AGBL4: variants seen among roughly 807,000 people sequenced by gnomAD.
AGBL4 encodes the protein AGBL carboxypeptidase 4, also known as cytosolic carboxypeptidase 6.
A neutral mutation model predicts 66.4 loss-of-function variants in AGBL4; 58 were observed. That is an observed-to-expected ratio of 0.87 (90% CI 0.71 to 1.09). AGBL4 has a LOEUF of 1.09. Ranked by LOEUF, AGBL4 falls within the 50% of genes least tolerant of loss-of-function variation. The pLI is 0.00. For missense variants in AGBL4, 579 were observed against 631.0 expected (o/e 0.92, Z 0.88); for synonymous variants, 234 against 222.9 (o/e 1.05, Z -0.44).
intron 3 of AGBL4, among the ~76,000 whole-genome samples, chr1:49,677,605 T>C (rs1312035675): frequency 1.3e-5 from 2 of 152,132 alleles, no homozygotes; most frequent in African/African-American, 4.8e-5. Context: ...ACTGAGCTCA[T>C]AAAATAAGGT....
chr1:49,590,714 T>C (rs535548264), intron 3 of AGBL4, among the ~76,000 whole-genome samples: 1 of 152,168 alleles, frequency 6.6e-6, no homozygotes, highest in East Asian at 1.9e-4. Context: ...TTTCAAAACC[T>C]TCCCACAACT....
At chr1:48,858,925 A>G (rs538528110) in intron 6 of AGBL4, among the ~76,000 whole-genome samples, 3 of 152,322 alleles carry the variant, frequency 2.0e-5, no homozygotes, top group Admixed American at 2.0e-4. Flanking sequence ...ATGATAAAGT[A>G]TATTAGTCAT....
chr1:49,825,560 C>A (rs895519339), intron 2 of AGBL4, among the ~76,000 whole-genome samples: 8 of 152,154 alleles, frequency 5.3e-5, no homozygotes, highest in Non-Finnish European at 1.0e-4. Context: ...AATCTTTACT[C>A]CGGATGTCTC....
intron 5 of AGBL4, among the ~76,000 whole-genome samples, chr1:48,874,444 T>C (rs1374768834): frequency 6.6e-6 from 1 of 152,164 alleles, no homozygotes; most frequent in African/African-American, 2.4e-5. Flanking sequence ...GGACTGATCA[T>C]TCTAAAATTA....
At chr1:48,758,869 G>A in intron 6 of AGBL4, 1 of 1,469,176 alleles carries the variant, frequency 6.8e-7, no homozygotes. Flanking sequence ...TCACCCAAGT[G>A]GAGTGGTAGG....
intron 5 of AGBL4, among the ~76,000 whole-genome samples, chr1:49,042,343 G>A (rs1377999184): frequency 1.3e-5 from 2 of 152,112 alleles, no homozygotes; most frequent in Non-Finnish European, 2.9e-5. Context: ...AATACAAGTA[G>A]TTTCATGTTA....
At chr1:48,608,667 A>C (rs1645189680) in intron 9 of AGBL4, among the ~76,000 whole-genome samples, 1 of 152,218 alleles carries the variant, frequency 6.6e-6, no homozygotes, top group Non-Finnish European at 1.5e-5. Flanking sequence ...ACAGAGTTAG[A>C]AACACATAAC....
chr1:49,671,110 A>C (rs1316542581), intron 3 of AGBL4, among the ~76,000 whole-genome samples: 1 of 152,196 alleles, frequency 6.6e-6, no homozygotes, highest in Non-Finnish European at 1.5e-5. Context: ...AGTAGCCAAA[A>C]AAGCATGGTA....
intron 5 of AGBL4, among the ~76,000 whole-genome samples, chr1:48,985,907 C>T (rs1273675331): frequency 6.6e-6 from 1 of 151,998 alleles, no homozygotes; most frequent in Non-Finnish European, 1.5e-5. Flanking sequence ...CAGAAAAAGA[C>T]ATTGACAGTT....
At chr1:49,682,532 G>A (rs7521155) in intron 3 of AGBL4, among the ~76,000 whole-genome samples, 78,515 of 152,046 alleles carry the variant, frequency 0.52, 21,573 homozygotes, top group Non-Finnish European at 0.61. Context: ...ATTCAATGTA[G>A]GTCATTGTTA....
chr1:48,728,582 G>A (rs1481208286), intron 6 of AGBL4, among the ~76,000 whole-genome samples: 1 of 146,866 alleles, frequency 6.8e-6, no homozygotes, highest in Non-Finnish European at 1.5e-5. Context: ...GTGTTCTATT[G>A]TATGGCTCTA....
intron 9 of AGBL4, among the ~76,000 whole-genome samples, chr1:48,596,756 C>A (rs116788693): frequency 6.6e-6 from 1 of 152,082 alleles, no homozygotes; most frequent in Admixed American, 6.6e-5. Context: ...ATAGCATATA[C>A]ATATATATAT....
At chr1:49,880,868 C>T (rs1647225641) in intron 1 of AGBL4, among the ~76,000 whole-genome samples, 1 of 152,016 alleles carries the variant, frequency 6.6e-6, no homozygotes, top group Non-Finnish European at 1.5e-5. Context: ...CGTGGTGCGC[C>T]GTTTTTTAAG....
intron 7 of AGBL4, among the ~76,000 whole-genome samples, chr1:48,659,570 C>T (rs972350123): frequency 6.6e-6 from 1 of 152,202 alleles, no homozygotes; most frequent in East Asian, 1.9e-4. Flanking sequence ...TACACTTGAC[C>T]AAGAGTCAGA....
chr1:48,819,941 C>G (rs1320914342), intron 6 of AGBL4, among the ~76,000 whole-genome samples: 2 of 152,208 alleles, frequency 1.3e-5, no homozygotes, highest in Non-Finnish European at 2.9e-5. Context: ...CTCTTAAGCT[C>G]TGCTCTCCAA....
At chr1:48,575,042 C>T (rs1039173627) in intron 11 of AGBL4, among the ~76,000 whole-genome samples, 1 of 152,062 alleles carries the variant, frequency 6.6e-6, no homozygotes, top group South Asian at 2.1e-4. Context: ...TTAAATAAAC[C>T]CTTTGAATGA....
intron 8 of AGBL4, among the ~76,000 whole-genome samples, chr1:48,653,073 G>T (rs1645957597): frequency 6.6e-6 from 1 of 152,178 alleles, no homozygotes; most frequent in Admixed American, 6.5e-5. Flanking sequence ...TACATGGAAA[G>T]TAGGTGCCAA....
At chr1:49,565,596 G>GA (rs2148862186) in intron 3 of AGBL4, among the ~76,000 whole-genome samples, 1 of 152,290 alleles carries the variant, frequency 6.6e-6, no homozygotes, top group Non-Finnish European at 1.5e-5. Context: ...ATTCTGGGTT[G>GA]AAAATTCTTT....
chr1:49,633,133 C>A (rs1002354128), intron 3 of AGBL4, among the ~76,000 whole-genome samples: 3 of 138,310 alleles, frequency 2.2e-5, no homozygotes, highest in Non-Finnish European at 4.8e-5. Flanking sequence ...AAATGAAATA[C>A]CAAAAACAGA....
Sources: gnomAD v4.1 joint callset for allele counts (sites outside exome capture counted in the v4.1 genomes callset) on GRCh38, gnomAD v4.1.1 for gene constraint, MANE v1.5 for transcripts, NCBI Gene and HGNC (gene_info 2026-07-23, HGNC 2026-07-21) for gene names.